Variants in DPYD observed in about 807,000 individuals in gnomAD.
DPYD encodes dihydropyrimidine dehydrogenase [NADP(+)].
In DPYD, 109 loss-of-function variants were observed where a neutral mutation model predicts 116.2. The observed-to-expected ratio is 0.94, with a 90% CI of 0.80 to 1.10. DPYD has a LOEUF of 1.10. DPYD is among the 50% of genes least tolerant of loss of function. The pLI is 0.00. For missense variants in DPYD, 1,302 were observed against 1,254.5 expected (o/e 1.04, Z -0.57); for synonymous variants, 440 against 432.0 (o/e 1.02, Z -0.23).
At chr1:97,536,994 A>G (rs1205996786) in intron 12 of DPYD, among the ~76,000 whole-genome samples, 1 of 152,220 alleles carries the variant, frequency 6.6e-6, no homozygotes, top group African/African-American at 2.4e-5. Flanking sequence ...TGTAGAAATC[A>G]CTGGTATATT....
chr1:97,689,585 G>A (rs751630708), intron 7 of DPYD, among the ~76,000 whole-genome samples: 3 of 151,964 alleles, frequency 2.0e-5, no homozygotes, highest in Non-Finnish European at 2.9e-5. Flanking sequence ...TGCTACACGG[G>A]AGTCAAACAG....
chr1:97,911,136 G>A (rs1297630049), intron 1 of DPYD, among the ~76,000 whole-genome samples: 1 of 151,958 alleles, frequency 6.6e-6, no homozygotes, highest in Non-Finnish European at 1.5e-5. Context: ...ACAGCTGCTA[G>A]CAGCTATATT....
chr1:97,170,271 A>G (rs755541422), intron 20 of DPYD, among the ~76,000 whole-genome samples: 21 of 152,304 alleles, frequency 1.4e-4, no homozygotes, highest in Admixed American at 3.3e-4. Context: ...TGGCAGGTAT[A>G]TCTAGGGTTT....
At chr1:97,156,321 A>G (rs1022965957) in intron 20 of DPYD, among the ~76,000 whole-genome samples, 1 of 152,080 alleles carries the variant, frequency 6.6e-6, no homozygotes, top group African/African-American at 2.4e-5. Context: ...CCATCAGAGT[A>G]AACAGGCAAC....
chr1:97,614,049 C>T (rs898955712), intron 8 of DPYD, among the ~76,000 whole-genome samples: 7 of 151,846 alleles, frequency 4.6e-5, no homozygotes, highest in Non-Finnish European at 1.0e-4. Context: ...TAGCAGCTAC[C>T]GTAGTTCCAC....
chr1:97,919,617 G>A (rs988137114), intron 1 of DPYD, among the ~76,000 whole-genome samples: 1 of 152,050 alleles, frequency 6.6e-6, no homozygotes, highest in African/African-American at 2.4e-5. Flanking sequence ...AAAGTCACAA[G>A]GACCAAAAAG....
intron 13 of DPYD, among the ~76,000 whole-genome samples, chr1:97,476,429 G>A (rs1308147843): frequency 1.3e-5 from 2 of 151,958 alleles, no homozygotes; most frequent in South Asian, 2.1e-4. Context: ...AAAAAACAAA[G>A]CAATGAAAAA....
intron 5 of DPYD, chr1:97,720,853 C>T: frequency 6.2e-7 from 1 of 1,605,378 alleles, no homozygotes; most frequent in Non-Finnish European, 8.5e-7. Flanking sequence ...TAGGAGACGT[C>T]AGAGAGCCCA....
chr1:97,914,204 A>T (rs1187944208), intron 1 of DPYD, among the ~76,000 whole-genome samples: 1 of 152,186 alleles, frequency 6.6e-6, no homozygotes, highest in Non-Finnish European at 1.5e-5. Context: ...GTCATCTCTC[A>T]GTAAGATCAC....
intron 10 of DPYD, chr1:97,586,422 C>G (rs1316361471): frequency 1.5e-5 from 2 of 133,820 alleles, no homozygotes; most frequent in Non-Finnish European, 3.1e-5. Flanking sequence ...AAAACGTTCA[C>G]TTTTAATGAA....
intron 3 of DPYD, among the ~76,000 whole-genome samples, chr1:97,802,691 C>T (rs1468752730): frequency 1.3e-5 from 2 of 151,864 alleles, no homozygotes; most frequent in East Asian, 1.9e-4. Flanking sequence ...CCCACTTATC[C>T]TTCTTGCCTT....
At chr1:97,470,087 T>C (rs967951038) in intron 13 of DPYD, among the ~76,000 whole-genome samples, 1 of 152,178 alleles carries the variant, frequency 6.6e-6, no homozygotes, top group African/African-American at 2.4e-5. Context: ...AGGGACCAGA[T>C]TAAGAGATAC....
intron 20 of DPYD, among the ~76,000 whole-genome samples, chr1:97,161,945 C>A (rs918354982): frequency 6.6e-6 from 1 of 151,908 alleles, no homozygotes; most frequent in South Asian, 2.1e-4. Context: ...TGTATATGTG[C>A]CACATTTTTT....
At chr1:97,889,604 A>C (rs1203748827) in intron 1 of DPYD, among the ~76,000 whole-genome samples, 2 of 152,084 alleles carry the variant, frequency 1.3e-5, no homozygotes, top group East Asian at 3.9e-4. Flanking sequence ...CCTAACAACA[A>C]GGCCCAAAAT....
chr1:97,889,186 TA>T (rs908780639), intron 1 of DPYD, among the ~76,000 whole-genome samples: 1 of 150,214 alleles, frequency 6.7e-6, no homozygotes, highest in Non-Finnish European at 1.5e-5. Flanking sequence ...AAAATGAAAA[TA>T]AAAAGTGAAA....
chr1:97,848,239 A>C (rs1239115814), intron 2 of DPYD, among the ~76,000 whole-genome samples: 1 of 152,096 alleles, frequency 6.6e-6, no homozygotes, highest in African/African-American at 2.4e-5. Context: ...CTCCAACTAT[A>C]GGCGCCTGCC....
chr1:97,858,771 G>A (rs1034874065), intron 2 of DPYD, among the ~76,000 whole-genome samples: 3 of 152,056 alleles, frequency 2.0e-5, no homozygotes, highest in African/African-American at 7.2e-5. Flanking sequence ...ATTCAATTAA[G>A]TATTATCAAA....
chr1:97,305,488 A>T, intron 17 of DPYD, 110 bp from the exon 18 acceptor site: 1 of 1,429,578 alleles, frequency 7.0e-7, no homozygotes, highest in Non-Finnish European at 9.8e-7. Flanking sequence ...TCTTGAGAAC[A>T]TGTCTTCTCC....
chr1:97,291,279 C>T lies in DPYD; in HGVS notation c.2299+13980G>A, dbSNP rs532781140. Reference sequence around the variant, plus strand: ...TCAACCATTATGGAAGTCAGTGTGGCGATTCCTCAGGGATCTAGAACTAGA... The same window carrying T: ...TCAACCATTATGGAAGTCAGTGTGGTGATTCCTCAGGGATCTAGAACTAGA... On this transcript the variant is annotated intron_variant, in intron 18 of 22. Transcript: ENST00000370192. Among the ~76,000 whole-genome samples, 656 of 152,140 alleles carry T rather than the reference C, an allele frequency of 4.3e-3. 11 individuals are homozygous for T. The highest frequency in any genetic ancestry group is 0.015 in the African/African-American group (613 of 41,504).
Sources: gnomAD v4.1 joint callset for allele counts (sites outside exome capture counted in the v4.1 genomes callset) on GRCh38, gnomAD v4.1.1 for gene constraint, MANE v1.5 for transcripts, NCBI Gene and HGNC (gene_info 2026-07-23, HGNC 2026-07-21) for gene names.